Variants in ACOT13 observed in about 807,000 individuals in gnomAD.
The protein encoded by ACOT13 is acyl-CoA thioesterase 13.
A neutral mutation model predicts 11.8 loss-of-function variants in ACOT13; 10 were observed. The ratio of observed to expected loss-of-function variants is 0.85; its 90% CI spans 0.53 to 1.44. The LOEUF (loss-of-function observed/expected upper bound fraction) is 1.44. ACOT13 is among the 40% of genes most tolerant of loss of function. The pLI is 0.00. For missense variants in ACOT13, 172 were observed against 174.1 expected, an observed-to-expected ratio of 0.99 and a Z score of 0.07; for synonymous variants, 53 against 61.0, an observed-to-expected ratio of 0.87 and a Z score of 0.61.
intron 1 of ACOT13, among the ~76,000 whole-genome samples, chr6:24,676,751 A>G (rs940469215): frequency 3.9e-5 from 6 of 152,130 alleles, no homozygotes; most frequent in East Asian, 3.9e-4. Context: ...TTTGGCTTCA[A>G]TATCCGCTTG....
chr6:24,667,158 G>A lies in ACOT13; in HGVS notation c.-106G>A, dbSNP rs1778271144. 2 of 1,195,600 alleles carry A rather than the reference G, an allele frequency of 1.7e-6. No individual in the cohort carries two copies. Among genetic ancestry groups the A allele is most frequent in the Non-Finnish European group, 2.4e-6 (2 of 832,298 alleles). The allele number at this position is 1,195,600 out of a possible 1,614,324, so 74.1% of individuals were successfully genotyped here. On this transcript the variant is annotated 5_prime_UTR_variant, in exon 1 of 3. Transcript: ENST00000230048. ...CGCTCCTAGGGGCGGAGAAGGGTGC[G>A]GGCTCTTCGCCCTTTGTGTCCTCCT...
rs372525942 is a variant in ACOT13 at position 24,683,162 on chromosome 6, C to T, written c.82-14721C>T. 9.2e-5 allele frequency among the ~76,000 whole-genome samples: 14 copies of T among 152,002 alleles called. No individual in the cohort carries two copies. In the South Asian group the frequency reaches 2.9e-3, roughly 31 times the overall value. ...CACTGATAGGAGATTTGTCAAAGGT[C>T]AGGGGCACCTCCACTCAGATCCCTT... On this transcript the variant is annotated intron_variant, in intron 1 of 2. Coordinates refer to ENST00000230048, the MANE Select transcript of ACOT13 (RefSeq NM_018473.4).
intron 1 of ACOT13, among the ~76,000 whole-genome samples, chr6:24,678,353 C>T (rs748381029): frequency 6.6e-6 from 1 of 152,114 alleles, no homozygotes; most frequent in Non-Finnish European, 1.5e-5. Flanking sequence ...ATTGATAATC[C>T]TGAGATCTTG....
At position 24,702,941 on chromosome 6, in the gene ACOT13, GAGTGAT is replaced by G. The variant is rs903614460; in HGVS notation, c.*1328_*1333del. ...GAGACAGCTTCTGTCACTCAGGCTG[GAGTGAT>G]ACAATCACAGCTTCCCATAGCCTCA... On this transcript the variant is annotated 3_prime_UTR_variant, in exon 3 of 3. Coordinates refer to ENST00000230048, the MANE Select transcript of ACOT13 (RefSeq NM_018473.4). The G allele has an allele frequency of 3.3e-5, 5 of 152,218 alleles. No homozygotes were observed. The highest frequency in any genetic ancestry group is 1.2e-4 in the African/African-American group (5 of 41,456). 9.4% of individuals were successfully genotyped at this position (152,218 alleles called of 1,614,324 possible).
chr6:24,700,450 T>G lies in ACOT13; in HGVS notation c.267-1009T>G, dbSNP rs1034733664. 4.2e-4 allele frequency among the ~76,000 whole-genome samples: 57 copies of G among 136,634 alleles called. No individual in the cohort carries two copies. The South Asian group carries it at 0.013, about 31-fold the overall frequency. The allele number at this position is 136,634 out of a possible 152,430, so 89.6% of individuals were successfully genotyped here. A position where few individuals can be genotyped will look rare whatever the true frequency, so the allele number is the denominator to read the frequency against. ...CTTTTTTTTTTTTTTTTTTTTTTTT[T>G]TGTGAGATGGAATCTTGCTCTGTTG... On this transcript the variant is annotated intron_variant, in intron 2 of 2. Transcript: ENST00000230048.
Position 24,685,439 on chromosome 6 carries a change from C to T in ACOT13, c.82-12444C>T, listed in dbSNP as rs371897585. On this transcript the variant is annotated intron_variant, in intron 1 of 2. Transcript: ENST00000230048. The stretch of plus-strand genomic sequence containing the variant: ...TCGGCTCACTGCAAGCTCCGCCTCC[C>T]GGGTTCACACCATTCTCCTGCCTCA... 2.9e-4 allele frequency among the ~76,000 whole-genome samples: 43 copies of T among 150,780 alleles called. No homozygotes were observed. The East Asian group carries it at 6.0e-3, about 21-fold the overall frequency.
intron 1 of ACOT13, among the ~76,000 whole-genome samples, chr6:24,674,426 T>C (rs2127621897): frequency 6.6e-6 from 1 of 152,100 alleles, no homozygotes; most frequent in Non-Finnish European, 1.5e-5. Context: ...TTTGTTTTTT[T>C]GAGATAGAGT....
rs889157044 is a variant in ACOT13, at chr6:24,674,407, GTTTGTTTT to G, written c.81+7076_81+7083del. ...TTGTTCACCGTTTTTGGGGGGTTTT[GTTTGTTTT>G]TTTGTTTTTTTGAGATAGAGTCTCA... On this transcript the variant is annotated intron_variant, in intron 1 of 2. Coordinates refer to ENST00000230048, the MANE Select transcript of ACOT13 (RefSeq NM_018473.4). Among the ~76,000 whole-genome samples the G allele has an allele frequency of 2.0e-4, 23 of 113,396 alleles. No homozygotes were observed. In the East Asian group the frequency reaches 4.3e-3, roughly 21 times the overall value. The allele number at this position is 113,396 out of a possible 152,430, so 74.4% of individuals were successfully genotyped here.
At chr6:24,686,880 T>C (rs1046789358) in intron 1 of ACOT13, among the ~76,000 whole-genome samples, 1 of 152,106 alleles carries the variant, frequency 6.6e-6, no homozygotes, top group African/African-American at 2.4e-5. Flanking sequence ...TTTTAAAATT[T>C]TTTGTAAAAA....
chr6:24,690,073 TC>T (rs1778698067), intron 1 of ACOT13, among the ~76,000 whole-genome samples: 1 of 152,180 alleles, frequency 6.6e-6, no homozygotes, highest in South Asian at 2.1e-4. Context: ...TCCTAGGAGT[TC>T]CAGGACTTTG....
rs766809760 is a variant in ACOT13 at position 24,698,025 on chromosome 6, C to T, written c.224C>T (p.Thr75Met). 21 of 1,611,976 alleles carry T rather than the reference C, an allele frequency of 1.3e-5. No individual in the cohort carries two copies. The highest frequency in any genetic ancestry group is 5.3e-5 in the African/African-American group (4 of 74,834). Reference sequence around the variant, plus strand: ...ATATCAACAATGGCTCTGCTATGCACGGAAAGGGGAGCACCCGGAGTCAGT... The same window carrying T: ...ATATCAACAATGGCTCTGCTATGCATGGAAAGGGGAGCACCCGGAGTCAGT... Reference protein sequence around the residue: ...DNISTMALLCTERGAPGVSVD... With the variant: ...DNISTMALLCMERGAPGVSVD... Residue 75 changes from threonine (T) to methionine (M), a missense_variant, in exon 2 of 3, where the codon ACG becomes ATG. Thr to Met is a moderately conservative substitution (Grantham distance 81). Transcript: ENST00000230048.
intron 1 of ACOT13, among the ~76,000 whole-genome samples, chr6:24,674,124 C>T (rs1426039199): frequency 1.3e-5 from 2 of 151,680 alleles, no homozygotes; most frequent in Admixed American, 1.3e-4. Context: ...GGCAATGGCC[C>T]GATCTTGGCT....
chr6:24,680,804 C>T (rs1778535397), intron 1 of ACOT13, among the ~76,000 whole-genome samples: 2 of 152,166 alleles, frequency 1.3e-5, no homozygotes, highest in Non-Finnish European at 1.5e-5. Context: ...AGAGGTGTAG[C>T]GAACCTTTTG....
At chr6:24,682,230 A>G (rs1479965820) in intron 1 of ACOT13, among the ~76,000 whole-genome samples, 1 of 152,222 alleles carries the variant, frequency 6.6e-6, no homozygotes, top group Non-Finnish European at 1.5e-5. Context: ...ATAGGACAGA[A>G]TAACAAGCGA....
chr6:24,704,059 G>A lies in ACOT13; in HGVS notation c.*2444G>A, dbSNP rs983061589. 2.0e-5 allele frequency: 3 copies of A among 152,076 alleles called. No homozygotes were observed. Among genetic ancestry groups the A allele is most frequent in the Non-Finnish European group, 4.4e-5 (3 of 68,020 alleles). 9.4% of individuals were successfully genotyped at this position (152,076 alleles called of 1,614,324 possible). A position where few individuals can be genotyped will look rare whatever the true frequency, so the allele number is the denominator to read the frequency against. On this transcript the variant is annotated 3_prime_UTR_variant, in exon 3 of 3. Transcript: ENST00000230048. The stretch of plus-strand genomic sequence containing the variant: ...TCTAAAACAAGCTACCAAGGATACT[G>A]GGACAACAAAACGAATATGGATGAT...
intron 2 of ACOT13, among the ~76,000 whole-genome samples, chr6:24,698,670 TC>T (rs1436912539): frequency 6.7e-6 from 1 of 148,856 alleles, no homozygotes; most frequent in Non-Finnish European, 1.5e-5. Flanking sequence ...ACACGGAGTC[TC>T]CCCATCACCC....
chr6:24,694,500 C>T (rs1015277263), intron 1 of ACOT13, among the ~76,000 whole-genome samples: 7 of 152,352 alleles, frequency 4.6e-5, no homozygotes, highest in African/African-American at 1.7e-4. Context: ...TCAAATTGCT[C>T]AGCATGGTCT....
At position 24,671,379 on chromosome 6, in the gene ACOT13, G is replaced by A. The variant is rs138967439; in HGVS notation, c.81+4035G>A. 6.7e-3 allele frequency among the ~76,000 whole-genome samples: 1,016 copies of A among 151,234 alleles called. 10 individuals are homozygous for A. The highest frequency in any genetic ancestry group is 0.022 in the African/African-American group (896 of 41,148). On this transcript the variant is annotated intron_variant, in intron 1 of 2. Transcript: ENST00000230048. ...TCACAAGGACAGAAAACCAAATACC[G>A]CATGTTCTCACTCATAGTTGGGAAT...
At chr6:24,695,126 T>TG (rs1286134702) in intron 1 of ACOT13, among the ~76,000 whole-genome samples, 2 of 152,030 alleles carry the variant, frequency 1.3e-5, no homozygotes, top group African/African-American at 4.8e-5. Context: ...CTGGCTAACA[T>TG]GGCAAAACCC....
Sources: gnomAD v4.1 joint callset for allele counts (sites outside exome capture counted in the v4.1 genomes callset) on GRCh38, gnomAD v4.1.1 for gene constraint, MANE v1.5 for transcripts, NCBI Gene and HGNC (gene_info 2026-07-23, HGNC 2026-07-21) for gene names.